TGFBR1: variants seen among roughly 807,000 people sequenced by gnomAD.
TGFBR1 encodes the protein transforming growth factor beta receptor 1.
TGFBR1 carries 20 observed loss-of-function variants against 55.1 expected under a neutral mutation model. The ratio of observed to expected loss-of-function variants is 0.36; its 90% CI spans 0.26 to 0.53. The LOEUF (loss-of-function observed/expected upper bound fraction) is 0.53. TGFBR1 is among the 20% of genes least tolerant of loss of function. The pLI is 0.91. For synonymous variants in TGFBR1, 220 were observed against 214.8 expected (o/e 1.02, Z -0.21); for missense variants, 385 against 617.6 (o/e 0.62, Z 3.99).
rs1300742771 is a variant in TGFBR1 at position 99,132,496 on chromosome 9, G to T, written c.344-13G>T. 1.2e-6 allele frequency: 2 copies of T among 1,613,744 alleles called. No individual in the cohort carries two copies. Among genetic ancestry groups the T allele is most frequent in the Non-Finnish European group, 8.5e-7 (1 of 1,180,014 alleles). ...CGTTGTTGATGTTTATTTCACTCGA[G>T]GCCCTTTTTCAGTAAAGTCATCACC... On this transcript the variant is annotated splice_polypyrimidine_tract_variant and intron_variant, in intron 2 of 8. Transcript: ENST00000374994.
intron 1 of TGFBR1, among the ~76,000 whole-genome samples, chr9:99,107,038 G>C (rs898405443): frequency 3.3e-5 from 5 of 152,226 alleles, no homozygotes; most frequent in African/African-American, 7.2e-5. Context: ...TCCACCAGAA[G>C]TAGCACAAGA....
At chr9:99,128,588 T>G (rs1827111283) in intron 1 of TGFBR1, 1 of 546,056 alleles carries the variant, frequency 1.8e-6, no homozygotes, top group East Asian at 3.9e-5. Flanking sequence ...ATAACAAAAT[T>G]TTTCTATACT....
intron 1 of TGFBR1, among the ~76,000 whole-genome samples, chr9:99,114,905 C>T (rs1479407281): frequency 2.0e-5 from 3 of 152,120 alleles, no homozygotes; most frequent in African/African-American, 7.2e-5. Context: ...TGCTTCATTT[C>T]TGAGTAATGG....
intron 2 of TGFBR1, 38 bp from the exon 3 acceptor site, chr9:99,132,471 C>A: frequency 6.2e-7 from 1 of 1,611,410 alleles, no homozygotes; most frequent in South Asian, 1.1e-5. Flanking sequence ...GTGTTTTTGT[C>A]GTTGTTGATG....
At chr9:99,127,523 C>T (rs555453167) in intron 1 of TGFBR1, among the ~76,000 whole-genome samples, 1 of 152,316 alleles carries the variant, frequency 6.6e-6, no homozygotes, top group South Asian at 2.1e-4. Flanking sequence ...GTTCAGAGCT[C>T]ATCTACCAGG....
rs199624653 is a variant in TGFBR1, at chr9:99,105,196, C to T, written c.-10C>T. ...GGCCGGGCCGGGCCACAGGCGGTGG[C>T]GGCGGGACCATGGAGGCGGCGGTCG... On this transcript the variant is annotated 5_prime_UTR_variant, in exon 1 of 9. Coordinates refer to ENST00000374994, the MANE Select transcript of TGFBR1 (RefSeq NM_004612.4). 23 of 1,084,062 alleles carry T rather than the reference C, an allele frequency of 2.1e-5. No homozygotes were observed. The highest frequency in any genetic ancestry group is 2.6e-5 in the Non-Finnish European group (23 of 895,352). The allele number at this position is 1,084,062 out of a possible 1,614,324, so 67.2% of individuals were successfully genotyped here.
At chr9:99,137,813 T>C (rs2118705620) in intron 3 of TGFBR1, 46 bp from the exon 4 acceptor site, 2 of 1,504,600 alleles carry the variant, frequency 1.3e-6, no homozygotes, top group Non-Finnish European at 1.8e-6. Context: ...GTTTGAAACA[T>C]GTAATATTGT....
intron 1 of TGFBR1, among the ~76,000 whole-genome samples, chr9:99,117,319 G>C (rs1248401279): frequency 6.7e-6 from 1 of 150,198 alleles, no homozygotes; most frequent in Admixed American, 6.7e-5. Context: ...GGCTGGTGTC[G>C]AATTCCTGAC....
rs199749616 is a variant in TGFBR1, at chr9:99,154,095, G to A, written c.*4790G>A. 3.5e-5 allele frequency: 8 copies of A among 227,306 alleles called. No homozygotes were observed. The highest frequency in any genetic ancestry group is 6.2e-5 in the East Asian group (1 of 16,108). 14.1% of individuals were successfully genotyped at this position (227,306 alleles called of 1,614,324 possible). A position where few individuals can be genotyped will look rare whatever the true frequency, so the allele number is the denominator to read the frequency against. ...TACTTCAATTTGAAGGCTGGATTTA[G>A]GGATTTTTTTTTTTCCTTATAACAA... On this transcript the variant is annotated 3_prime_UTR_variant, in exon 9 of 9. Transcript: ENST00000374994.
intron 3 of TGFBR1, among the ~76,000 whole-genome samples, chr9:99,135,898 A>G (rs1477363387): frequency 1.5e-5 from 2 of 134,744 alleles, no homozygotes; most frequent in Admixed American, 8.7e-5. Flanking sequence ...TCTGTTGCCC[A>G]GGCTGGAGTG....
At chr9:99,143,891 G>C (rs1175496189) in intron 5 of TGFBR1, among the ~76,000 whole-genome samples, 4 of 152,180 alleles carry the variant, frequency 2.6e-5, no homozygotes, top group Non-Finnish European at 5.9e-5. Flanking sequence ...TTATATAAAT[G>C]AATCATACAA....
rs1215016073 is a variant in TGFBR1, at chr9:99,134,856, C to G, written c.574+2117C>G. 5.6e-5 allele frequency among the ~76,000 whole-genome samples: 4 copies of G among 71,728 alleles called. No individual in the cohort carries two copies. The East Asian group carries it at 1.6e-3, about 29-fold the overall frequency. The allele number at this position is 71,728 out of a possible 152,430, so 47.1% of individuals were successfully genotyped here. A position where few individuals can be genotyped will look rare whatever the true frequency, so the allele number is the denominator to read the frequency against. ...TATATATATATATATATATATATTTCTAGATCCATGAGGGACCATAGCTCT... is the reference window on the plus strand; with the variant it reads ...TATATATATATATATATATATATTTGTAGATCCATGAGGGACCATAGCTCT... On this transcript the variant is annotated intron_variant, in intron 3 of 8. Coordinates refer to ENST00000374994, the MANE Select transcript of TGFBR1 (RefSeq NM_004612.4).
Position 99,144,814 on chromosome 9 carries a change from A to G in TGFBR1, c.1056A>G (p.Leu352=). The change falls in exon 6 of 9, where the codon TTA becomes TTG. Residue 352 remains leucine, a synonymous_variant. Coordinates refer to ENST00000374994, the MANE Select transcript of TGFBR1 (RefSeq NM_004612.4). ...KKNGTCCIAD[L]GLAVRHDSAT... ...ATGGAACTTGCTGTATTGCAGACTT[A>G]GGACTGGCAGTAAGACATGATTCAG... is the stretch of plus-strand genomic sequence containing the variant. 1.9e-6 allele frequency: 3 copies of G among 1,614,082 alleles called. No individual in the cohort carries two copies. The African/African-American group carries it at 4.0e-5, about 21-fold the overall frequency.
chr9:99,132,460 A>C, intron 2 of TGFBR1, 49 bp from the exon 3 acceptor site: 2 of 1,609,564 alleles, frequency 1.2e-6, no homozygotes, highest in African/African-American at 2.7e-5. Flanking sequence ...TGCCACCTAC[A>C]GTGTTTTTGT....
At chr9:99,137,363 CCTTTTTCT>C (rs1217528074) in intron 3 of TGFBR1, among the ~76,000 whole-genome samples, 3 of 152,166 alleles carry the variant, frequency 2.0e-5, no homozygotes, top group African/African-American at 4.8e-5. Flanking sequence ...CAGCCATGGC[CCTTTTTCT>C]CAGAAATCTT....
Position 99,120,514 on chromosome 9 carries a change from A to G in TGFBR1, c.98-8341A>G, listed in dbSNP as rs1011791869. On this transcript the variant is annotated intron_variant, in intron 1 of 8. Transcript: ENST00000374994. ...ACTTGACAGGACTGTAATTGTAATC[A>G]CACTATACAGCTTTACTTCCTGCCC... 2.6e-5 allele frequency among the ~76,000 whole-genome samples: 4 copies of G among 152,318 alleles called. No homozygotes were observed. The East Asian group carries it at 7.7e-4, about 29-fold the overall frequency.
rs1827494339 is a variant in TGFBR1 at position 99,138,038 on chromosome 9, G to A, written c.754G>A (p.Val252Ile). Reference protein sequence around the residue: ...WFREAEIYQTVMLRHENILGF... With the variant: ...WFREAEIYQTIMLRHENILGF... Reference sequence around the variant, plus strand: ...CCGTGAGGCAGAGATTTATCAAACTGTAATGTTACGTCATGAAAACATCCT... The same window carrying A: ...CCGTGAGGCAGAGATTTATCAAACTATAATGTTACGTCATGAAAACATCCT... Residue 252 changes from valine (V) to isoleucine (I), a missense_variant, in exon 4 of 9, where the codon GTA becomes ATA. Coordinates refer to ENST00000374994, the MANE Select transcript of TGFBR1 (RefSeq NM_004612.4). 1.2e-6 allele frequency: 2 copies of A among 1,613,940 alleles called. No individual in the cohort carries two copies. Among genetic ancestry groups the A allele is most frequent in the Non-Finnish European group, 1.7e-6 (2 of 1,179,952 alleles).
At chr9:99,130,387 G>A (rs189623758) in intron 2 of TGFBR1, among the ~76,000 whole-genome samples, 3 of 152,314 alleles carry the variant, frequency 2.0e-5, no homozygotes, top group Admixed American at 2.0e-4. Flanking sequence ...AAGCACTGCT[G>A]TAGCGCAGAA....
chr9:99,114,992 C>A (rs1209918721), intron 1 of TGFBR1, among the ~76,000 whole-genome samples: 2 of 152,102 alleles, frequency 1.3e-5, no homozygotes, highest in Non-Finnish European at 2.9e-5. Flanking sequence ...TCACAGTAAT[C>A]CCAGTATTCA....
Sources: gnomAD v4.1 joint callset for allele counts (sites outside exome capture counted in the v4.1 genomes callset) on GRCh38, gnomAD v4.1.1 for gene constraint, MANE v1.5 for transcripts, NCBI Gene and HGNC (gene_info 2026-07-23, HGNC 2026-07-21) for gene names.